Variants in UBE2H observed in about 807,000 individuals in gnomAD.
UBE2H encodes ubiquitin-conjugating enzyme E2 H.
Under a neutral mutation model 29.0 loss-of-function variants are expected in UBE2H, and 3 were observed. The ratio of observed to expected loss-of-function variants is 0.10; its 90% CI spans 0.05 to 0.27. The LOEUF (loss-of-function observed/expected upper bound fraction) is 0.27. UBE2H is among the 10% of genes least tolerant of loss of function. The pLI is 1.00. For missense variants in UBE2H, 68 were observed against 228.2 expected, an observed-to-expected ratio of 0.30 and a Z score of 4.52; for synonymous variants, 69 against 82.9, an observed-to-expected ratio of 0.83 and a Z score of 0.91.
At chr7:129,871,249 A>G (rs888046943) in intron 3 of UBE2H, among the ~76,000 whole-genome samples, 3 of 152,268 alleles carry the variant, frequency 2.0e-5, no homozygotes, top group African/African-American at 7.2e-5. Context: ...GATGTATGCC[A>G]CAGCCAAAGC....
At chr7:129,888,513 C>T (rs1361807378) in intron 1 of UBE2H, among the ~76,000 whole-genome samples, 9 of 151,800 alleles carry the variant, frequency 5.9e-5, no homozygotes, top group African/African-American at 9.7e-5. Context: ...CTCACTCTGT[C>T]GCCAAGGCTG....
chr7:129,859,067 A>T, intron 3 of UBE2H, 126 bp from the exon 4 acceptor site: 1 of 721,298 alleles, frequency 1.4e-6, no homozygotes, highest in Non-Finnish European at 2.3e-6. Context: ...TTTCAACCTT[A>T]GATCTTTCAT....
intron 1 of UBE2H, among the ~76,000 whole-genome samples, chr7:129,891,525 C>T (rs575441328): frequency 2.0e-5 from 3 of 151,922 alleles, no homozygotes; most frequent in Non-Finnish European, 2.9e-5. Context: ...ATAAATAGGC[C>T]GGGCATGGTA....
chr7:129,890,307 G>A (rs764148043), intron 1 of UBE2H, among the ~76,000 whole-genome samples: 6 of 150,576 alleles, frequency 4.0e-5, no homozygotes, highest in South Asian at 2.1e-4. Flanking sequence ...GTATACATAC[G>A]TGTATATATG....
intron 1 of UBE2H, among the ~76,000 whole-genome samples, chr7:129,895,890 G>C (rs1408241867): frequency 1.3e-5 from 2 of 151,712 alleles, no homozygotes; most frequent in African/African-American, 4.8e-5. Flanking sequence ...AAAAACAACA[G>C]AAAAAATCCT....
intron 1 of UBE2H, among the ~76,000 whole-genome samples, chr7:129,888,717 C>T (rs1806414592): frequency 6.6e-6 from 1 of 152,254 alleles, no homozygotes; most frequent in Admixed American, 6.5e-5. Flanking sequence ...TCAAGTGATC[C>T]GTTCGCCTCA....
chr7:129,867,699 T>TAAAAAAAAA (rs59742626), intron 3 of UBE2H, among the ~76,000 whole-genome samples: 1 of 29,642 alleles, frequency 3.4e-5, no homozygotes, highest in Non-Finnish European at 5.8e-5. Context: ...TAGAGTATAA[T>TAAAAAAAAA]AAAAAAAAAA....
intron 2 of UBE2H, among the ~76,000 whole-genome samples, chr7:129,880,562 C>T (rs1004558293): frequency 1.4e-4 from 22 of 152,026 alleles, no homozygotes; most frequent in Admixed American, 8.5e-4. Flanking sequence ...ATAACATTTG[C>T]GTTGTGTTAG....
At chr7:129,873,205 G>A (rs1317060193) in intron 3 of UBE2H, among the ~76,000 whole-genome samples, 2 of 151,122 alleles carry the variant, frequency 1.3e-5, no homozygotes, top group Admixed American at 6.6e-5. Flanking sequence ...TTTTTTAGTA[G>A]AGACAGCATT....
chr7:129,932,486 G>C (rs1422013759), intron 1 of UBE2H, among the ~76,000 whole-genome samples: 2 of 151,916 alleles, frequency 1.3e-5, no homozygotes, highest in Non-Finnish European at 2.9e-5. Flanking sequence ...CTGGCCATTT[G>C]GAAAACAGTT....
At chr7:129,886,653 TC>T (rs2116386721) in intron 1 of UBE2H, among the ~76,000 whole-genome samples, 1 of 151,580 alleles carries the variant, frequency 6.6e-6, no homozygotes, top group South Asian at 2.1e-4. Flanking sequence ...CAGAAGCAAG[TC>T]GTGTGGATTT....
At chr7:129,916,813 G>C (rs1807053104) in intron 1 of UBE2H, among the ~76,000 whole-genome samples, 1 of 152,038 alleles carries the variant, frequency 6.6e-6, no homozygotes, top group Non-Finnish European at 1.5e-5. Context: ...CCAAGAAGGG[G>C]GATCAAGAGG....
chr7:129,912,349 G>A (rs958249377), intron 1 of UBE2H, among the ~76,000 whole-genome samples: 5 of 152,102 alleles, frequency 3.3e-5, no homozygotes, highest in South Asian at 2.1e-4. Context: ...ATATCTTGGC[G>A]ATGAGACTCA....
chr7:129,871,452 C>G (rs1418375007), intron 3 of UBE2H, among the ~76,000 whole-genome samples: 2 of 152,166 alleles, frequency 1.3e-5, no homozygotes, highest in South Asian at 4.1e-4. Flanking sequence ...CGTTGGCTCA[C>G]GCCTGTAATC....
intron 6 of UBE2H, 69 bp downstream of exon 6, chr7:129,839,138 A>G: frequency 6.4e-7 from 1 of 1,568,500 alleles, no homozygotes; most frequent in Non-Finnish European, 8.6e-7. Context: ...TTTAAGAAGG[A>G]CTTTTAATGA....
chr7:129,861,312 T>C (rs1180871302), intron 3 of UBE2H, among the ~76,000 whole-genome samples: 1 of 152,174 alleles, frequency 6.6e-6, no homozygotes, highest in Non-Finnish European at 1.5e-5. Flanking sequence ...TTAAAACATA[T>C]GCACATAAAT....
chr7:129,888,599 C>G (rs940278383), intron 1 of UBE2H, among the ~76,000 whole-genome samples: 1 of 152,158 alleles, frequency 6.6e-6, no homozygotes, highest in Non-Finnish European at 1.5e-5. Context: ...CTCGGCCTCC[C>G]GAGTAGCTGG....
chr7:129,876,252 G>T (rs1806142235), intron 3 of UBE2H, among the ~76,000 whole-genome samples: 1 of 151,956 alleles, frequency 6.6e-6, no homozygotes, highest in African/African-American at 2.4e-5. Context: ...GAAAACAATG[G>T]GTCAGCTGCA....
At chr7:129,890,300 T>C (rs1423157271) in intron 1 of UBE2H, among the ~76,000 whole-genome samples, 1 of 151,908 alleles carries the variant, frequency 6.6e-6, no homozygotes, top group Non-Finnish European at 1.5e-5. Context: ...TGTATATGTA[T>C]ACATACGTGT....
Sources: allele counts gnomAD v4.1 joint callset (sites outside exome capture counted in the v4.1 genomes callset), GRCh38; gene constraint gnomAD v4.1.1; transcripts MANE v1.5; gene names NCBI Gene and HGNC (gene_info 2026-07-23, HGNC 2026-07-21).